WDR7: variants seen among roughly 807,000 people sequenced by gnomAD.
WDR7 encodes the protein WD repeat-containing protein 7.
In WDR7, 46 loss-of-function variants were observed where a neutral mutation model predicts 169.4. The ratio of observed to expected loss-of-function variants is 0.27; its 90% confidence interval spans 0.21 to 0.35. WDR7 has a LOEUF of 0.35. WDR7 is among the 10% of genes least tolerant of loss of function. The pLI, the probability that WDR7 is intolerant of heterozygous loss-of-function variation, is 1.00. For synonymous variants in WDR7, 612 were observed against 666.8 expected (o/e 0.92, Z 1.27); for missense variants, 1,534 against 1,859.3 (o/e 0.83, Z 3.22).
chr18:56,718,068 T>C lies in WDR7; in HGVS notation c.1683T>C (p.Phe561=). ...TAATGTTGGCATCTCGTCACCTTTT[T>C]CCTATTCAAGTAATCAAATGGAGGC... is the stretch of plus-strand genomic sequence containing the variant. ...KCIMLASRHL[F]PIQVIKWRPS... Residue 561 remains phenylalanine (F), a synonymous_variant, in exon 13 of 28, where the codon TTT becomes TTC. Transcript: ENST00000254442. 2 of 1,614,152 alleles carry C rather than the reference T, an allele frequency of 1.2e-6. No individual in the cohort carries two copies. The highest frequency in any genetic ancestry group is 1.7e-6 in the Non-Finnish European group (2 of 1,179,994).
At chr18:56,903,410 ATTAT>A (rs750571595) in intron 21 of WDR7, among the ~76,000 whole-genome samples, 4 of 151,586 alleles carry the variant, frequency 2.6e-5, no homozygotes, top group Admixed American at 6.6e-5. Flanking sequence ...TTTTATTTTT[ATTAT>A]TTATTTATTT....
rs767539515 is a variant in WDR7 at position 56,691,340 on chromosome 18, A to G, written c.842A>G (p.Tyr281Cys). ...VIIWTENGQS[Y>C]IYKLPASCLP... is the part of the protein sequence containing the mutation. ...ATTTGGACAGAAAATGGGCAAAGTT[A>G]TATTTACAAACTACCTGCCAGGTAT... The change falls in exon 8 of 28, where the codon TAT becomes TGT. Residue 281 changes from tyrosine to cysteine, a missense_variant. Physicochemically the swap from Tyr to Cys is radical, Grantham distance 194 (BLOSUM62 -2). Transcript: ENST00000254442. 11 of 1,593,760 alleles carry G rather than the reference A, an allele frequency of 6.9e-6. No individual in the cohort carries two copies. The highest frequency in any genetic ancestry group is 4.6e-5 in the South Asian group (4 of 86,548).
intron 14 of WDR7, among the ~76,000 whole-genome samples, chr18:56,749,007 T>C (rs1294928358): frequency 6.6e-6 from 1 of 152,040 alleles, no homozygotes; most frequent in Non-Finnish European, 1.5e-5. Flanking sequence ...GAAACATTAA[T>C]ATTGTGCATA....
intron 26 of WDR7, among the ~76,000 whole-genome samples, chr18:56,966,826 T>C (rs1052136610): frequency 6.6e-6 from 1 of 151,852 alleles, no homozygotes; most frequent in African/African-American, 2.4e-5. Flanking sequence ...CCCAGGGAGA[T>C]TTCCTTCTAA....
chr18:56,859,794 G>A (rs2145404391), intron 20 of WDR7, among the ~76,000 whole-genome samples: 1 of 152,310 alleles, frequency 6.6e-6, no homozygotes, highest in East Asian at 1.9e-4. Flanking sequence ...TGATGAGGAA[G>A]AATATCCCTT....
At chr18:57,012,168 T>C (rs2048145159) in intron 26 of WDR7, among the ~76,000 whole-genome samples, 1 of 152,176 alleles carries the variant, frequency 6.6e-6, no homozygotes, top group Non-Finnish European at 1.5e-5. Context: ...AGGTTTGAAC[T>C]CCTGGAGGTG....
At chr18:56,843,614 G>A (rs1170099387) in intron 20 of WDR7, among the ~76,000 whole-genome samples, 2 of 152,100 alleles carry the variant, frequency 1.3e-5, no homozygotes, top group Non-Finnish European at 2.9e-5. Flanking sequence ...ATCTTTTGGC[G>A]ACTGTGAATA....
intron 26 of WDR7, among the ~76,000 whole-genome samples, chr18:56,970,591 C>T (rs550096450): frequency 6.6e-6 from 1 of 152,216 alleles, no homozygotes; most frequent in East Asian, 1.9e-4. Flanking sequence ...ACCTCTGCTC[C>T]CACGCATGCA....
intron 14 of WDR7, among the ~76,000 whole-genome samples, chr18:56,732,835 A>C (rs1272579032): frequency 6.6e-6 from 1 of 152,230 alleles, no homozygotes; most frequent in East Asian, 1.9e-4. Context: ...ATTTTCTGAC[A>C]TGATATGTAA....
chr18:56,882,360 C>G (rs1413659493), intron 21 of WDR7, among the ~76,000 whole-genome samples: 2 of 152,196 alleles, frequency 1.3e-5, no homozygotes, highest in Non-Finnish European at 2.9e-5. Flanking sequence ...CAATAACTCC[C>G]TGAGAGTGTC....
rs1054783367 is a variant in WDR7 at position 57,027,101 on chromosome 18, C to T, written c.4367C>T (p.Ser1456Phe). The change falls in exon 28 of 28, where the codon TCC (serine) becomes TTC (phenylalanine). Residue 1456 changes from serine (S) to phenylalanine (F), a missense_variant. Transcript: ENST00000254442. ...TYQVPPVQPA[S>F]PGSHNALKLA... ...CAGGTGCCCCCTGTGCAGCCCGCGT[C>T]CCCCGGCTCCCACAATGCCCTCAAG... 1 of 1,614,176 alleles carries T rather than the reference C, an allele frequency of 6.2e-7. No individual in the cohort carries two copies. The highest frequency in any genetic ancestry group is 1.3e-5 in the African/African-American group (1 of 75,060).
At chr18:56,746,377 G>A (rs2043703458) in intron 14 of WDR7, among the ~76,000 whole-genome samples, 1 of 152,210 alleles carries the variant, frequency 6.6e-6, no homozygotes, top group Non-Finnish European at 1.5e-5. Context: ...GGGTAGAAAG[G>A]ACGGGGTAGG....
chr18:57,035,172 A>T, the WDR7 span: 1 of 152,398 alleles, frequency 6.6e-6, no homozygotes, highest in East Asian at 1.9e-4. Context: ...GTCATGGTAC[A>T]ACCTGGCTGC....
intron 26 of WDR7, among the ~76,000 whole-genome samples, chr18:56,983,308 A>G (rs577280062): frequency 6.6e-6 from 1 of 152,316 alleles, no homozygotes; most frequent in East Asian, 1.9e-4. Context: ...ATATTTACAA[A>G]GCTTCAAACT....
intron 21 of WDR7, among the ~76,000 whole-genome samples, chr18:56,885,599 C>T (rs2418838): frequency 0.68 from 102,268 of 151,068 alleles, 36,778 homozygotes; most frequent in East Asian, 0.84. Context: ...CCCAGGCGGG[C>T]GGATCACGAG....
intron 1 of WDR7, among the ~76,000 whole-genome samples, chr18:56,660,085 G>T (rs773828200): frequency 5.9e-5 from 9 of 152,176 alleles, no homozygotes; most frequent in Non-Finnish European, 1.2e-4. Context: ...ATGTGTATGT[G>T]TGAGAGAGTA....
chr18:56,711,554 T>TA (rs1372669674), intron 12 of WDR7, among the ~76,000 whole-genome samples: 74 of 152,284 alleles, frequency 4.9e-4, no homozygotes, highest in African/African-American at 1.6e-3. Context: ...TGTTTTTTTT[T>TA]ATACAGTGAA....
intron 20 of WDR7, among the ~76,000 whole-genome samples, chr18:56,820,359 A>AAAAAAAAAAAAAAAC (rs1044771844): frequency 1.3e-4 from 17 of 127,490 alleles, no homozygotes; most frequent in African/African-American, 4.2e-4. Context: ...AAAAAAAAAA[A>AAAAAAAAAAAAAAAC]AAAAACCACC....
chr18:56,812,902 A>C (rs2044896901), intron 19 of WDR7, among the ~76,000 whole-genome samples: 1 of 151,942 alleles, frequency 6.6e-6, no homozygotes, highest in Non-Finnish European at 1.5e-5. Context: ...ACATAACCAG[A>C]GGTAATACTT....
Sources: allele counts gnomAD v4.1 joint callset (sites outside exome capture counted in the v4.1 genomes callset), GRCh38; gene constraint gnomAD v4.1.1; transcripts MANE v1.5; gene names NCBI Gene and HGNC (gene_info 2026-07-23, HGNC 2026-07-21).